Variants in CCDC6 observed in about 807,000 individuals in gnomAD.
CCDC6 encodes coiled-coil domain containing 6, also known as coiled-coil domain-containing protein 6.
Under a neutral mutation model 56.6 loss-of-function variants are expected in CCDC6, and 20 were observed. The observed-to-expected ratio is 0.35, with a 90% CI of 0.25 to 0.51. CCDC6 has a LOEUF of 0.51. Among genes scored for constraint, CCDC6 ranks in the 20% least tolerant of loss-of-function variants. The probability of loss-of-function intolerance (pLI) is 0.95; values close to 1 mark genes in which losing one functional copy is unlikely to be tolerated. For missense variants in CCDC6, 367 were observed against 601.1 expected, an observed-to-expected ratio of 0.61 and a Z score of 4.07; for synonymous variants, 241 against 234.4, an observed-to-expected ratio of 1.03 and a Z score of -0.26.
chr10:59,857,219 GA>G (rs1346416248), intron 1 of CCDC6, among the ~76,000 whole-genome samples: 1 of 152,044 alleles, frequency 6.6e-6, no homozygotes, highest in Non-Finnish European at 1.5e-5. Context: ...AGTCCTGTGG[GA>G]AAAATAAACA....
chr10:59,818,496 G>A (rs921696949), intron 3 of CCDC6, among the ~76,000 whole-genome samples: 2 of 63,120 alleles, frequency 3.2e-5, no homozygotes, highest in Non-Finnish European at 5.3e-5. Context: ...TAATGTTGAC[G>A]GGGGGGGGGG....
intron 6 of CCDC6, among the ~76,000 whole-genome samples, chr10:59,806,083 C>T (rs778972164): frequency 1.3e-5 from 2 of 152,156 alleles, no homozygotes; most frequent in East Asian, 1.9e-4. Context: ...ACTAAGATAC[C>T]GCCCATGTAA....
chr10:59,901,215 A>G (rs1008017423), intron 1 of CCDC6, among the ~76,000 whole-genome samples: 1 of 152,242 alleles, frequency 6.6e-6, no homozygotes, highest in South Asian at 2.1e-4. Context: ...CTGTGAGGTC[A>G]TATTTTCCTC....
intron 7 of CCDC6, among the ~76,000 whole-genome samples, chr10:59,801,611 T>G (rs2070575429): frequency 6.6e-6 from 1 of 152,220 alleles, no homozygotes; most frequent in Admixed American, 6.5e-5. Flanking sequence ...TAGAGTTATT[T>G]CCATCTCCTT....
At chr10:59,867,641 C>T (rs1222436717) in intron 1 of CCDC6, among the ~76,000 whole-genome samples, 1 of 152,196 alleles carries the variant, frequency 6.6e-6, no homozygotes, top group Non-Finnish European at 1.5e-5. Context: ...GCAACCTTGA[C>T]TTCCCGGGCT....
Position 59,854,783 on chromosome 10 carries a change from A to G in CCDC6, c.304-2081T>C, listed in dbSNP as rs186140369. Among the ~76,000 whole-genome samples, 56 of 152,302 alleles carry G rather than the reference A, an allele frequency of 3.7e-4. No individual in the cohort carries two copies. In the East Asian group the frequency reaches 0.01, roughly 27 times the overall value. On this transcript the variant is annotated intron_variant, in intron 1 of 8. Transcript: ENST00000263102. ...TATTTAAGACATATTTGACACATAC[A>G]TATCTAAGCCTGCCATCTATCCAAG...
At chr10:59,830,132 C>T (rs1361633906) in intron 3 of CCDC6, among the ~76,000 whole-genome samples, 1 of 152,188 alleles carries the variant, frequency 6.6e-6, no homozygotes, top group East Asian at 1.9e-4. Context: ...TGATAACTGC[C>T]TTCAAGTGGC....
chr10:59,831,866 G>A (rs1307117496), intron 3 of CCDC6, among the ~76,000 whole-genome samples: 1 of 152,226 alleles, frequency 6.6e-6, no homozygotes, highest in Non-Finnish European at 1.5e-5. Flanking sequence ...GCTGAGGGCA[G>A]AGGACAAAGG....
At chr10:59,906,031 G>C in intron 1 of CCDC6, 91 bp downstream of exon 1, 1 of 1,129,790 alleles carries the variant, frequency 8.9e-7, no homozygotes, top group Non-Finnish European at 1.2e-6. Flanking sequence ...CGGGAATCTG[G>C]GGAAGACTTG....
intron 2 of CCDC6, among the ~76,000 whole-genome samples, chr10:59,841,621 CAACA>C (rs2070939495): frequency 6.6e-6 from 1 of 151,952 alleles, no homozygotes; most frequent in African/African-American, 2.4e-5. Flanking sequence ...AAATCCACGA[CAACA>C]ATCAATATAG....
intron 3 of CCDC6, among the ~76,000 whole-genome samples, chr10:59,815,614 G>A (rs1248505113): frequency 6.6e-6 from 1 of 152,160 alleles, no homozygotes; most frequent in Non-Finnish European, 1.5e-5. Flanking sequence ...GACTGAAAGT[G>A]CAAGAGGTTT....
intron 2 of CCDC6, among the ~76,000 whole-genome samples, chr10:59,838,162 T>C (rs923180966): frequency 4.6e-5 from 7 of 152,050 alleles, no homozygotes; most frequent in South Asian, 4.1e-4. Flanking sequence ...GGTACCAGTA[T>C]TCTGGGTCAA....
rs1286965900 is a variant in CCDC6 at position 59,822,992 on chromosome 10, CGTAACTTTGGA to C, written c.583-8248_583-8238del. On this transcript the variant is annotated intron_variant, in intron 3 of 8. Transcript: ENST00000263102. ...TGACTTCGGAGGGACAGCTTGCTGGCGTAACTTTGGAGAAGACTACAGGCAGACTTCAGGGG... is the reference window on the plus strand; with the variant it reads ...TGACTTCGGAGGGACAGCTTGCTGGCGAAGACTACAGGCAGACTTCAGGGG... Among the ~76,000 whole-genome samples, 7 of 152,152 alleles carry C rather than the reference CGTAACTTTGGA, an allele frequency of 4.6e-5. No individual in the cohort carries two copies. The East Asian group carries it at 7.7e-4, about 17-fold the overall frequency.
At chr10:59,885,846 T>C (rs1410175608) in intron 1 of CCDC6, among the ~76,000 whole-genome samples, 1 of 151,682 alleles carries the variant, frequency 6.6e-6, no homozygotes, top group African/African-American at 2.4e-5. Flanking sequence ...AACACATCTT[T>C]TGAAGGATTT....
intron 2 of CCDC6, among the ~76,000 whole-genome samples, chr10:59,841,728 C>T (rs966202109): frequency 2.0e-5 from 3 of 150,088 alleles, no homozygotes; most frequent in African/African-American, 4.9e-5. Flanking sequence ...AGTGCGTTGG[C>T]GTGATCTCGG....
intron 1 of CCDC6, among the ~76,000 whole-genome samples, chr10:59,885,011 T>C (rs2071371518): frequency 1.3e-5 from 2 of 150,906 alleles, no homozygotes; most frequent in African/African-American, 4.9e-5. Flanking sequence ...TTGCAGTGAG[T>C]TGAGATCGTG....
chr10:59,852,364 C>T (rs932080630), intron 2 of CCDC6, among the ~76,000 whole-genome samples, 189 bp downstream of exon 2: 5 of 152,196 alleles, frequency 3.3e-5, no homozygotes, highest in African/African-American at 9.6e-5. Context: ...CTAACATATG[C>T]AGATAAGCTA....
At chr10:59,826,065 T>C (rs2070785720) in intron 3 of CCDC6, among the ~76,000 whole-genome samples, 2 of 152,160 alleles carry the variant, frequency 1.3e-5, no homozygotes, top group African/African-American at 4.8e-5. Flanking sequence ...TGTCATCTAG[T>C]GGCTGAAGAT....
rs76969090 is a variant in CCDC6, at chr10:59,868,395, C to G, written c.304-15693G>C. ...TGTGATTTTCCTGCCCAGCCCACCACCACTGGGCCATGCAGATACGTTGTC... is the reference window on the plus strand; with the variant it reads ...TGTGATTTTCCTGCCCAGCCCACCAGCACTGGGCCATGCAGATACGTTGTC... On this transcript the variant is annotated intron_variant, in intron 1 of 8. Coordinates refer to ENST00000263102, the MANE Select transcript of CCDC6 (RefSeq NM_005436.5). Among the ~76,000 whole-genome samples, 1,208 of 152,318 alleles carry G rather than the reference C, an allele frequency of 7.9e-3. 15 individuals carry two copies. Among genetic ancestry groups the G allele is most frequent in the African/African-American group, 0.026 (1,095 of 41,570 alleles).
Sources: allele counts gnomAD v4.1 joint callset (sites outside exome capture counted in the v4.1 genomes callset), GRCh38; gene constraint gnomAD v4.1.1; transcripts MANE v1.5; gene names NCBI Gene and HGNC (gene_info 2026-07-23, HGNC 2026-07-21).